Variants in ADAM32 observed in about 807,000 individuals in gnomAD.
The protein encoded by ADAM32 is disintegrin and metalloproteinase domain-containing protein 32.
Under a neutral mutation model 114.9 loss-of-function variants are expected in ADAM32, and 89 were observed. The observed-to-expected ratio is 0.77, with a 90% CI of 0.65 to 0.92. The LOEUF is 0.92. Ranked by LOEUF, ADAM32 falls within the 40% of genes least tolerant of loss-of-function variation. ADAM32 has a pLI of 0.00. For synonymous variants in ADAM32, 285 were observed against 307.5 expected (o/e 0.93, Z 0.77); for missense variants, 870 against 932.8 (o/e 0.93, Z 0.88).
At position 39,270,341 on chromosome 8, in the gene ADAM32, C is replaced by T. The variant is rs866995143; in HGVS notation, c.2163-535C>T. Among the ~76,000 whole-genome samples, 4 of 152,112 alleles carry T rather than the reference C, an allele frequency of 2.6e-5. No homozygotes were observed. In the East Asian group the frequency reaches 5.8e-4, roughly 22 times the overall value. ...TTTTCTCTCTATTTATGCATATTTC[C>T]CTCTTGCATTCCAAAAGCCACTGGT... On this transcript the variant is annotated intron_variant, in intron 19 of 24. Transcript: ENST00000379907.
chr8:39,125,211 A>G lies in ADAM32; in HGVS notation c.138+7046A>G, dbSNP rs546888868. Among the ~76,000 whole-genome samples the G allele has an allele frequency of 3.3e-5, 5 of 151,904 alleles. No individual in the cohort carries two copies. In the South Asian group the frequency reaches 1.0e-3, roughly 32 times the overall value. ...ATGGAGTTTTTTGTTTTTTTCTTAT[A>G]AATTTGCTTACGTTCCTTGTAAACT... On this transcript the variant is annotated intron_variant, in intron 2 of 24. Transcript: ENST00000379907.
intron 3 of ADAM32, among the ~76,000 whole-genome samples, chr8:39,139,570 TA>T (rs1803016613): frequency 6.6e-6 from 1 of 152,202 alleles, no homozygotes; most frequent in Non-Finnish European, 1.5e-5. Flanking sequence ...CTATTTTGGT[TA>T]CTGTAGCCTT....
At chr8:39,267,545 A>T (rs1022174466) in intron 19 of ADAM32, among the ~76,000 whole-genome samples, 6 of 152,168 alleles carry the variant, frequency 3.9e-5, no homozygotes, top group African/African-American at 1.4e-4. Flanking sequence ...AGCTGTTGTG[A>T]ACCGCTGGAA....
intron 16 of ADAM32, among the ~76,000 whole-genome samples, chr8:39,241,612 C>T (rs1810556699): frequency 6.6e-6 from 1 of 152,238 alleles, no homozygotes; most frequent in Admixed American, 6.5e-5. Context: ...GAAGCCACAG[C>T]CTGAGCTGTA....
chr8:39,131,347 C>T (rs1309074010), intron 2 of ADAM32, among the ~76,000 whole-genome samples: 1 of 152,058 alleles, frequency 6.6e-6, no homozygotes, highest in Non-Finnish European at 1.5e-5. Context: ...AAAAAATAGC[C>T]AGCCATGGTG....
At chr8:39,189,817 A>C (rs1202475149) in intron 11 of ADAM32, among the ~76,000 whole-genome samples, 1 of 150,240 alleles carries the variant, frequency 6.7e-6, no homozygotes, top group Non-Finnish European at 1.5e-5. Flanking sequence ...TTTTTTTTTG[A>C]GATGGAGTCT....
chr8:39,239,406 A>T (rs1241027185), intron 16 of ADAM32, among the ~76,000 whole-genome samples: 4 of 152,350 alleles, frequency 2.6e-5, no homozygotes, highest in Non-Finnish European at 5.9e-5. Flanking sequence ...GCACTACAAA[A>T]ACTGCTAAAA....
At chr8:39,236,245 C>T (rs1810134617) in intron 16 of ADAM32, among the ~76,000 whole-genome samples, 1 of 152,024 alleles carries the variant, frequency 6.6e-6, no homozygotes, top group South Asian at 2.1e-4. Flanking sequence ...AATGATAGTT[C>T]ATATTTTATG....
At chr8:39,277,634 G>A (rs1269786058) in intron 22 of ADAM32, among the ~76,000 whole-genome samples, 1 of 152,188 alleles carries the variant, frequency 6.6e-6, no homozygotes, top group Non-Finnish European at 1.5e-5. Context: ...GGAACCAGCC[G>A]GCCATTTCAG....
intron 19 of ADAM32, among the ~76,000 whole-genome samples, chr8:39,260,650 C>T (rs1485299999): frequency 6.6e-6 from 1 of 151,990 alleles, no homozygotes; most frequent in Non-Finnish European, 1.5e-5. Context: ...AAAGTCAGTT[C>T]ACTAGTATTT....
intron 2 of ADAM32, among the ~76,000 whole-genome samples, chr8:39,128,257 C>T (rs961048220): frequency 6.6e-6 from 1 of 152,038 alleles, no homozygotes; most frequent in Admixed American, 6.6e-5. Context: ...TGAATTGAAC[C>T]CTTTAGCATT....
chr8:39,130,552 A>G (rs1410332735), intron 2 of ADAM32, among the ~76,000 whole-genome samples: 1 of 152,074 alleles, frequency 6.6e-6, no homozygotes, highest in Non-Finnish European at 1.5e-5. Context: ...ATTTCTCTAC[A>G]AGCATTGCTT....
intron 4 of ADAM32, among the ~76,000 whole-genome samples, chr8:39,147,529 C>T (rs1412833174): frequency 6.6e-6 from 1 of 151,946 alleles, no homozygotes; most frequent in Non-Finnish European, 1.5e-5. Flanking sequence ...AATCACAGAT[C>T]AAAAACTCTT....
At chr8:39,263,708 C>G (rs886914760) in intron 19 of ADAM32, among the ~76,000 whole-genome samples, 2 of 152,078 alleles carry the variant, frequency 1.3e-5, no homozygotes, top group African/African-American at 4.8e-5. Flanking sequence ...TTGTCTCACC[C>G]CACTCGAGCT....
chr8:39,200,639 T>G (rs1182430152), intron 11 of ADAM32, among the ~76,000 whole-genome samples: 3 of 152,220 alleles, frequency 2.0e-5, no homozygotes, highest in Non-Finnish European at 4.4e-5. Flanking sequence ...TAGATCCCAT[T>G]TGTCAATTTT....
chr8:39,184,292 G>A (rs930097783), intron 10 of ADAM32, among the ~76,000 whole-genome samples: 1 of 152,190 alleles, frequency 6.6e-6, no homozygotes, highest in African/African-American at 2.4e-5. Flanking sequence ...CATCTTGGGA[G>A]CAGTTCCAGG....
At position 39,284,874 on chromosome 8, in the gene ADAM32, T is replaced by G. The variant is rs1382541270; in HGVS notation, c.*75T>G. Reference sequence around the variant, plus strand: ...GAAAATTCTGTCTTTCCTTCCGTGGTCACAGCTGAAAGAAACAATAAATTG... The same window carrying G: ...GAAAATTCTGTCTTTCCTTCCGTGGGCACAGCTGAAAGAAACAATAAATTG... On this transcript the variant is annotated 3_prime_UTR_variant, in exon 25 of 25. Transcript: ENST00000379907. 1 of 1,560,292 alleles carries G rather than the reference T, an allele frequency of 6.4e-7. No individual in the cohort carries two copies. The highest frequency in any genetic ancestry group is 8.8e-7 in the Non-Finnish European group (1 of 1,134,434).
At chr8:39,215,445 G>A (rs895593801) in intron 12 of ADAM32, among the ~76,000 whole-genome samples, 77 of 151,696 alleles carry the variant, frequency 5.1e-4, no homozygotes, top group African/African-American at 1.8e-3. Context: ...ATTGTAAATG[G>A]GATTACTTTC....
chr8:39,110,155 C>A (rs1165066398), intron 1 of ADAM32, among the ~76,000 whole-genome samples: 1 of 152,050 alleles, frequency 6.6e-6, no homozygotes, highest in East Asian at 1.9e-4. Flanking sequence ...CTGCAAACTC[C>A]GCCTCCCGGT....
Sources: gnomAD v4.1 joint callset for allele counts (sites outside exome capture counted in the v4.1 genomes callset) on GRCh38, gnomAD v4.1.1 for gene constraint, MANE v1.5 for transcripts, NCBI Gene and HGNC (gene_info 2026-07-23, HGNC 2026-07-21) for gene names.